The following DGKA variants were observed in gnomAD, a reference collection of about 807,000 sequenced individuals.
DGKA encodes the protein diacylglycerol kinase alpha.
DGKA carries 35 observed loss-of-function variants against 105.0 expected under a neutral mutation model. The observed-to-expected ratio is 0.33, with a 90% CI of 0.25 to 0.44. The LOEUF (loss-of-function observed/expected upper bound fraction) is 0.44, where lower values mean the gene tolerates loss of function less well. DGKA is among the 20% of genes least tolerant of loss of function. The probability of loss-of-function intolerance (pLI) is 1.00; values close to 1 mark genes in which losing one functional copy is unlikely to be tolerated. For missense variants in DGKA, 665 were observed against 915.0 expected (o/e 0.73, Z 3.53); for synonymous variants, 296 against 332.0 (o/e 0.89, Z 1.18).
intron 17 of DGKA, among the ~76,000 whole-genome samples, chr12:55,947,394 T>C (rs1262012463): frequency 1.3e-5 from 2 of 152,178 alleles, no homozygotes; most frequent in Non-Finnish European, 2.9e-5. Context: ...AAGTGAAAGC[T>C]CCCTATAATC....
rs879799559 is a variant in DGKA at position 55,948,716 on chromosome 12, CA to C, written c.1427-2893del. Among the ~76,000 whole-genome samples the C allele has an allele frequency of 2.4e-3, 311 of 131,400 alleles. 1 individual carries two copies. Among genetic ancestry groups the C allele is most frequent in the Admixed American group, 3.8e-3 (48 of 12,586 alleles). The allele number at this position is 131,400 out of a possible 152,430, so 86.2% of individuals were successfully genotyped here. A position where few individuals can be genotyped will look rare whatever the true frequency, so the allele number is the denominator to read the frequency against. ...TGGGCAAGAGAGCAAGATCCTGTCT[CA>C]AAAAAAAAAAAAATTACACAAATGG... On this transcript the variant is annotated intron_variant, in intron 17 of 23. Transcript: ENST00000331886.
At chr12:55,936,122 G>T (rs1884644502) in intron 1 of DGKA, 1 of 813,914 alleles carries the variant, frequency 1.2e-6, no homozygotes, top group South Asian at 3.9e-5. Context: ...AGAAAGCCGG[G>T]TGCGGGTGGG....
Position 55,951,636 on chromosome 12 carries a change from G to T in DGKA, c.1440G>T (p.Gln480His), listed in dbSNP as rs748539929. 2.5e-6 allele frequency: 4 copies of T among 1,613,922 alleles called. No individual in the cohort carries two copies. Among genetic ancestry groups the T allele is most frequent in the East Asian group, 4.5e-5 (2 of 44,860 alleles). The change falls in exon 18 of 24, where the codon CAG (glutamine) becomes CAT (histidine). Residue 480 changes from glutamine (Q) to histidine (H), a missense_variant. Physicochemically the swap from Gln to His is conservative, Grantham distance 24. Coordinates refer to ENST00000331886, the MANE Select transcript of DGKA (RefSeq NM_001345.5). Reference protein sequence around the residue: ...CLRWGGGYEGQNLAKILKDLE... With the variant: ...CLRWGGGYEGHNLAKILKDLE... ...CTCCACTCCTAGGTTATGAAGGACA[G>T]AATCTGGCAAAGATCCTCAAGGATT...
chr12:55,934,847 C>G (rs971746852), intron 1 of DGKA, among the ~76,000 whole-genome samples: 4 of 152,150 alleles, frequency 2.6e-5, no homozygotes, highest in African/African-American at 9.7e-5. Flanking sequence ...TGTGTACAAC[C>G]AATATTCAGC....
At position 55,938,861 on chromosome 12, in the gene DGKA, T is replaced by C. The variant is rs558183718; in HGVS notation, c.400-54T>C. 3.1e-6 allele frequency: 5 copies of C among 1,606,832 alleles called. No homozygotes were observed. In the Admixed American group the frequency reaches 8.3e-5, roughly 27 times the overall value. ...GAACACTGATTTCTGGAAAAGAGTT[T>C]GGATGGTGGTAGTAAAGGGGATATG... is the stretch of plus-strand genomic sequence containing the variant. On this transcript the variant is annotated intron_variant, in intron 6 of 23. Transcript: ENST00000331886.
At position 55,953,399 on chromosome 12, in the gene DGKA, A is replaced by G. The variant is rs1888555505; in HGVS notation, c.2113A>G (p.Thr705Ala). 1 of 1,614,044 alleles carries G rather than the reference A, an allele frequency of 6.2e-7. No homozygotes were observed. Among genetic ancestry groups the G allele is most frequent in the African/African-American group, 1.3e-5 (1 of 74,904 alleles). ...AATTGACGGAGAACCCTGGATGCAG[A>G]CGCCCTGTACAGTGAGTATTGACGA... ...MQIDGEPWMQ[T>A]PCTIKITHKN... Residue 705 changes from threonine (T) to alanine (A), a missense_variant, in exon 23 of 24, where the codon ACG (threonine) becomes GCG (alanine). By Grantham distance (58) the Thr-to-Ala change is moderately conservative (BLOSUM62 0). This residue lies in a region of DGKA where 158 missense variants were observed against 213.4 expected (regional missense o/e 0.74). Coordinates refer to ENST00000331886, the MANE Select transcript of DGKA (RefSeq NM_001345.5).
chr12:55,941,136 G>A, intron 13 of DGKA, 116 bp from the exon 14 acceptor site: 2 of 1,368,214 alleles, frequency 1.5e-6, no homozygotes, highest in South Asian at 2.7e-5. Context: ...AGGGAAACAG[G>A]AGGGAGGGGG....
chr12:55,942,647 A>G (rs1042709039), intron 17 of DGKA: 1 of 243,516 alleles, frequency 4.1e-6, no homozygotes. Flanking sequence ...CATTCAAACA[A>G]TTAACCAGGT....
At chr12:55,936,102 A>C in intron 1 of DGKA, 1 of 908,486 alleles carries the variant, frequency 1.1e-6, no homozygotes, top group Non-Finnish European at 1.4e-6. Flanking sequence ...ACAGAAACAT[A>C]TATAGACTGA....
At chr12:55,941,096 A>G in intron 13 of DGKA, 116 bp downstream of exon 13, 1 of 1,363,686 alleles carries the variant, frequency 7.3e-7, no homozygotes, top group Non-Finnish European at 1.0e-6. Context: ...CACTCTCCAG[A>G]AACTCCACCA....
chr12:55,938,773 C>T, intron 6 of DGKA, 142 bp from the exon 7 acceptor site: 1 of 1,533,504 alleles, frequency 6.5e-7, no homozygotes, highest in Non-Finnish European at 8.8e-7. Context: ...AACATACAAA[C>T]ACATTTATTT....
intron 5 of DGKA, 41 bp from the exon 6 acceptor site, chr12:55,938,470 C>T (rs766647464): frequency 1.9e-6 from 3 of 1,611,416 alleles, no homozygotes; most frequent in Non-Finnish European, 2.5e-6. Context: ...CTTTGGGTAT[C>T]TCTCACAAAC....
chr12:55,936,684 C>A, intron 2 of DGKA, 117 bp downstream of exon 2: 1 of 1,394,674 alleles, frequency 7.2e-7, no homozygotes, highest in South Asian at 1.2e-5. Context: ...GTGTGCTGCT[C>A]AGATGTGCCC....
chr12:55,950,060 C>T (rs745970151), intron 17 of DGKA, among the ~76,000 whole-genome samples: 5 of 151,622 alleles, frequency 3.3e-5, no homozygotes, highest in East Asian at 1.9e-4. Context: ...CTGCAACCTC[C>T]GCCTCATGGG....
At chr12:55,939,346 G>A (rs1243681752) in intron 8 of DGKA, 41 bp downstream of exon 8, 1 of 1,613,264 alleles carries the variant, frequency 6.2e-7, no homozygotes, top group East Asian at 2.2e-5. Flanking sequence ...AGACAGCCTT[G>A]GGTTATGCTT....
rs1442545183 is a variant in DGKA at position 55,932,558 on chromosome 12, T to C, written c.-82+1214T>C. Reference sequence around the variant, plus strand: ...GTCTGAATCTCACTTTTCACCTTGATAGGAGAAATGAGCCTTCCTGAGGAA... The same window carrying C: ...GTCTGAATCTCACTTTTCACCTTGACAGGAGAAATGAGCCTTCCTGAGGAA... On this transcript the variant is annotated intron_variant, in intron 1 of 23. Coordinates refer to ENST00000331886, the MANE Select transcript of DGKA (RefSeq NM_001345.5). The surrounding 1 kb of genome is among the most constrained non-coding windows in gnomAD (Gnocchi z 4.3). 4.3e-6 allele frequency: 3 copies of C among 702,206 alleles called. No homozygotes were observed. Among genetic ancestry groups the C allele is most frequent in the Non-Finnish European group, 7.8e-6 (3 of 384,820 alleles). 43.5% of individuals were successfully genotyped at this position (702,206 alleles called of 1,614,324 possible).
intron 9 of DGKA, 87 bp from the exon 10 acceptor site, chr12:55,939,995 C>A: frequency 8.3e-7 from 1 of 1,202,944 alleles, no homozygotes; most frequent in Non-Finnish European, 1.2e-6. Context: ...CAAGGGATCA[C>A]ATATCTGATC....
chr12:55,941,476 G>A (rs370964535), intron 14 of DGKA, 34 bp from the exon 15 acceptor site: 32 of 1,611,388 alleles, frequency 2.0e-5, no homozygotes, highest in African/African-American at 6.7e-5. Context: ...CAACCCCCGC[G>A]CCTGCCATGA....
intron 17 of DGKA, among the ~76,000 whole-genome samples, chr12:55,950,959 C>T (rs1160333030): frequency 1.3e-5 from 2 of 151,980 alleles, no homozygotes; most frequent in Non-Finnish European, 2.9e-5. Context: ...CTAATGTTTT[C>T]TTCTAGTACA....
Sources: gnomAD v4.1 joint callset for allele counts (sites outside exome capture counted in the v4.1 genomes callset) on GRCh38, gnomAD v4.1.1 for gene constraint, gnomAD v4.1.1 regional missense constraint, Gnocchi (gnomAD v3.1) non-coding constraint, MANE v1.5 for transcripts, NCBI Gene and HGNC (gene_info 2026-07-23, HGNC 2026-07-21) for gene names.